FAM210A: variants seen among roughly 807,000 people sequenced by gnomAD.
The protein encoded by FAM210A is family with sequence similarity 210 member A.
A neutral mutation model predicts 25.3 loss-of-function variants in FAM210A; 13 were observed. The observed-to-expected ratio is 0.51, with a 90% CI of 0.33 to 0.82. The LOEUF is 0.82. Among genes scored for constraint, FAM210A ranks in the 40% least tolerant of loss-of-function variants. The pLI is 0.02. For missense variants in FAM210A, 319 were observed against 323.2 expected (o/e 0.99, Z 0.10); for synonymous variants, 125 against 118.7 (o/e 1.05, Z -0.35).
rs557271393 is a variant in FAM210A at position 13,702,045 on chromosome 18, T to C, written c.-28-19940A>G. Among the ~76,000 whole-genome samples, 4 of 152,296 alleles carry C rather than the reference T, an allele frequency of 2.6e-5. No individual in the cohort carries two copies. In the South Asian group the frequency reaches 8.3e-4, roughly 32 times the overall value. ...TGCAAAATTAAGAGACTTTTACCCG[T>C]GGTTCCACAAAACAGAAAAAGATGA... On this transcript the variant is annotated intron_variant, in intron 1 of 3. Transcript: ENST00000651643.
chr18:13,723,489 G>A (rs1301837804), intron 1 of FAM210A, among the ~76,000 whole-genome samples: 1 of 152,222 alleles, frequency 6.6e-6, no homozygotes, highest in Non-Finnish European at 1.5e-5. Context: ...GTGTAGGGTA[G>A]ATCTACAGAC....
chr18:13,724,078 C>T (rs1811795295), intron 1 of FAM210A, among the ~76,000 whole-genome samples: 1 of 152,038 alleles, frequency 6.6e-6, no homozygotes. Context: ...GAGAGAAGTA[C>T]TCTCACTTTC....
At chr18:13,690,131 C>A (rs1376533550) in intron 1 of FAM210A, among the ~76,000 whole-genome samples, 1 of 152,242 alleles carries the variant, frequency 6.6e-6, no homozygotes, top group African/African-American at 2.4e-5. Flanking sequence ...CAGAGGGTTG[C>A]ACCCCCACGG....
intron 1 of FAM210A, among the ~76,000 whole-genome samples, chr18:13,688,255 T>C (rs913720842): frequency 6.6e-6 from 1 of 152,190 alleles, no homozygotes; most frequent in East Asian, 1.9e-4. Context: ...GTGCCCGCTC[T>C]CTCCCAATTG....
In FAM210A at chr18:13,663,567, T is replaced by C. The variant is rs937835427; in HGVS notation, c.*2913A>G. ...TCCATCTTTCATTTCAAATATCAAT[T>C]TGCTTAGCAAACCCTTTTTGTGCAT... On this transcript the variant is annotated 3_prime_UTR_variant, in exon 4 of 4. Coordinates refer to ENST00000651643, the MANE Select transcript of FAM210A (RefSeq NM_152352.4). 1.1e-4 allele frequency: 16 copies of C among 152,316 alleles called. No individual in the cohort carries two copies. In the East Asian group the frequency reaches 3.1e-3, roughly 29 times the overall value. The allele number at this position is 152,316 out of a possible 1,614,324, so 9.4% of individuals were successfully genotyped here. A position where few individuals can be genotyped will look rare whatever the true frequency, so the allele number is the denominator to read the frequency against.
intron 3 of FAM210A, among the ~76,000 whole-genome samples, chr18:13,670,031 T>A (rs1382018950): frequency 6.6e-6 from 1 of 152,068 alleles, no homozygotes. Flanking sequence ...GGCACTCATC[T>A]CCCTACCATG....
intron 1 of FAM210A, chr18:13,697,778 A>G (rs1276889110): frequency 6.6e-6 from 1 of 152,220 alleles, no homozygotes; most frequent in Non-Finnish European, 1.5e-5. Context: ...AGATGTTTAA[A>G]GCAGCTTTAT....
chr18:13,670,349 T>C (rs1483653124), intron 3 of FAM210A, among the ~76,000 whole-genome samples: 2 of 152,160 alleles, frequency 1.3e-5, no homozygotes, highest in Non-Finnish European at 2.9e-5. Context: ...ATTTTTAAAT[T>C]TAATACACTT....
At chr18:13,671,790 G>C in intron 3 of FAM210A, 72 bp downstream of exon 3, 1 of 876,908 alleles carries the variant, frequency 1.1e-6, no homozygotes, top group East Asian at 2.4e-5. Context: ...AGCTAACATG[G>C]AATCTCATGG....
chr18:13,725,367 G>C (rs558349962), intron 1 of FAM210A, among the ~76,000 whole-genome samples: 1 of 152,090 alleles, frequency 6.6e-6, no homozygotes. Flanking sequence ...CCTCATTCTT[G>C]GTTCAAAGTT....
chr18:13,700,015 CACATCAAGCAATACTCTAGAGG>C (rs2149064774), intron 1 of FAM210A, among the ~76,000 whole-genome samples: 2 of 152,308 alleles, frequency 1.3e-5, no homozygotes, highest in South Asian at 4.1e-4. Context: ...GTTTTCTCCA[CACATCAAGCAATACTCTAGAGG>C]ACACCAACTG....
At chr18:13,696,197 T>C (rs1003884287) in intron 1 of FAM210A, among the ~76,000 whole-genome samples, 1 of 152,234 alleles carries the variant, frequency 6.6e-6, no homozygotes, top group Admixed American at 6.5e-5. Context: ...ATCAAAATCC[T>C]AGCAAACTGT....
chr18:13,679,122 A>C lies in FAM210A; in HGVS notation c.473+2483T>G, dbSNP rs528233545. On this transcript the variant is annotated intron_variant, in intron 2 of 3. Coordinates refer to ENST00000651643, the MANE Select transcript of FAM210A (RefSeq NM_152352.4). ...AGAACTTCATCACTCTGTCATTCTAAATATAGAATGACATTTTGCTCTACG... is the reference window on the plus strand; with the variant it reads ...AGAACTTCATCACTCTGTCATTCTACATATAGAATGACATTTTGCTCTACG... 1.3e-3 allele frequency among the ~76,000 whole-genome samples: 196 copies of C among 152,334 alleles called. 1 individual carries two copies. The highest frequency in any genetic ancestry group is 2.4e-3 in the Non-Finnish European group (166 of 68,038).
At chr18:13,708,851 T>C (rs1442734090) in intron 1 of FAM210A, among the ~76,000 whole-genome samples, 1 of 152,120 alleles carries the variant, frequency 6.6e-6, no homozygotes, top group Non-Finnish European at 1.5e-5. Flanking sequence ...ATCTAACAGT[T>C]TCTCCTGGTT....
At chr18:13,716,986 C>A (rs558339621) in intron 1 of FAM210A, among the ~76,000 whole-genome samples, 98 of 152,340 alleles carry the variant, frequency 6.4e-4, no homozygotes, top group African/African-American at 2.3e-3. Flanking sequence ...TGAACTGAGG[C>A]ACTGGAGTGT....
chr18:13,673,933 T>C (rs9748402), intron 2 of FAM210A, among the ~76,000 whole-genome samples: 924 of 19,760 alleles, frequency 0.047, 18 homozygotes, highest in African/African-American at 0.052. Context: ...AGTTTCCTGA[T>C]TATTAACATT....
chr18:13,684,240 TA>T (rs947970566), intron 1 of FAM210A, among the ~76,000 whole-genome samples: 6 of 150,802 alleles, frequency 4.0e-5, no homozygotes, highest in South Asian at 2.1e-4. Flanking sequence ...CCTAAAAATA[TA>T]AAAAAAAATT....
At chr18:13,670,464 T>A (rs1406338723) in intron 3 of FAM210A, among the ~76,000 whole-genome samples, 1 of 152,206 alleles carries the variant, frequency 6.6e-6, no homozygotes, top group Non-Finnish European at 1.5e-5. Flanking sequence ...GATGACAGAA[T>A]GAAACAATGC....
intron 1 of FAM210A, among the ~76,000 whole-genome samples, chr18:13,707,519 T>C (rs765401795): frequency 1.1e-4 from 16 of 152,220 alleles, no homozygotes; most frequent in Admixed American, 2.6e-4. Flanking sequence ...CCAGTGGTTT[T>C]CAAAACCAAG....
Sources: gnomAD v4.1 joint callset for allele counts (sites outside exome capture counted in the v4.1 genomes callset) on GRCh38, gnomAD v4.1.1 for gene constraint, MANE v1.5 for transcripts, NCBI Gene and HGNC (gene_info 2026-07-23, HGNC 2026-07-21) for gene names.